Variants in EFCAB7 observed in about 807,000 individuals in gnomAD.
EFCAB7 encodes the protein EF-hand calcium-binding domain-containing protein 7.
In EFCAB7, 66 loss-of-function variants were observed where a neutral mutation model predicts 77.1. That is an observed-to-expected ratio of 0.86 (90% CI 0.70 to 1.05). The LOEUF (loss-of-function observed/expected upper bound fraction) is 1.05, where lower values mean the gene tolerates loss of function less well. Ranked by LOEUF, EFCAB7 falls within the 50% of genes least tolerant of loss-of-function variation. The probability of loss-of-function intolerance (pLI) is 0.00; values close to 1 mark genes in which losing one functional copy is unlikely to be tolerated. For missense variants in EFCAB7, 638 were observed against 730.5 expected, an observed-to-expected ratio of 0.87 and a Z score of 1.46; for synonymous variants, 225 against 243.3, an observed-to-expected ratio of 0.92 and a Z score of 0.70.
At chr1:63,582,896 C>A in the EFCAB7 span, among the ~76,000 whole-genome samples, 2 of 152,138 alleles carry the variant, frequency 1.3e-5, no homozygotes, top group Non-Finnish European at 2.9e-5. Flanking sequence ...TGAGCCACCG[C>A]ACCCAGCCAT....
intron 6 of EFCAB7, among the ~76,000 whole-genome samples, chr1:63,545,551 C>T (rs1646887216): frequency 6.6e-6 from 1 of 152,218 alleles, no homozygotes; most frequent in Admixed American, 6.5e-5. Flanking sequence ...ACTGCATCCT[C>T]TGCCTCCCAG....
chr1:63,547,725 T>G (rs1323745042), intron 7 of EFCAB7: 1 of 152,250 alleles, frequency 6.6e-6, no homozygotes, highest in East Asian at 1.9e-4. Flanking sequence ...AGCTACAGGT[T>G]AGCTGGTGGC....
chr1:63,527,209 G>C (rs1244419572), intron 2 of EFCAB7, among the ~76,000 whole-genome samples: 1 of 152,076 alleles, frequency 6.6e-6, no homozygotes, highest in Non-Finnish European at 1.5e-5. Context: ...CATTTAGTTT[G>C]TGAATCAATG....
chr1:63,545,027 T>C (rs1383059770), intron 6 of EFCAB7, among the ~76,000 whole-genome samples: 3 of 151,488 alleles, frequency 2.0e-5, no homozygotes, highest in Non-Finnish European at 4.4e-5. Flanking sequence ...CAAGTGATTC[T>C]CCTGCCTCAG....
At chr1:63,551,879 G>A (rs1646969948) in intron 8 of EFCAB7, 45 bp downstream of exon 8, 2 of 1,234,642 alleles carry the variant, frequency 1.6e-6, no homozygotes, top group Admixed American at 5.0e-5. Flanking sequence ...AATATAGTAT[G>A]AACTGCAGTT....
intron 3 of EFCAB7, 82 bp from the exon 4 acceptor site, chr1:63,532,587 AT>A: frequency 1.0e-5 from 10 of 1,004,766 alleles, no homozygotes; most frequent in African/African-American, 1.7e-5. Context: ...TGTGGAAAAG[AT>A]TAAAATGTGC....
chr1:63,583,899 G>T, the EFCAB7 span, among the ~76,000 whole-genome samples: 86 of 125,908 alleles, frequency 6.8e-4, no homozygotes, highest in African/African-American at 2.6e-3. Context: ...CAGAATTTAT[G>T]ACAGACCTAA....
intron 9 of EFCAB7, among the ~76,000 whole-genome samples, chr1:63,556,854 C>A (rs1260607167): frequency 3.4e-5 from 5 of 148,684 alleles, no homozygotes; most frequent in African/African-American, 1.2e-4. Context: ...GTAGAGAAAC[C>A]CCATCTCTAC....
chr1:63,561,941 G>T (rs898520190), intron 11 of EFCAB7, 84 bp downstream of exon 11: 8 of 1,038,774 alleles, frequency 7.7e-6, no homozygotes, highest in Admixed American at 3.7e-5. Context: ...TATAACTTTC[G>T]AATTGGGCAC....
Position 63,533,577 on chromosome 1 carries a change from GACCCATC to G in EFCAB7, c.614_620del (p.Pro205GlnfsTer19). 1 of 1,611,848 alleles carries G rather than the reference GACCCATC, an allele frequency of 6.2e-7. No individual in the cohort carries two copies. Among genetic ancestry groups the G allele is most frequent in the Non-Finnish European group, 8.5e-7 (1 of 1,179,198 alleles). Reference sequence around the variant, plus strand: ...CCACATCGAAGGGTCCCCTGAAAGGGACCCATCACCAGTACCAAAACCATCACCTAAA... The same window carrying G: ...CCACATCGAAGGGTCCCCTGAAAGGGACCAGTACCAAAACCATCACCTAAA... On this transcript the variant is annotated frameshift_variant, in exon 5 of 14. Transcript: ENST00000371088. LOFTEE classifies it high-confidence loss of function.
downstream of EFCAB7, among the ~76,000 whole-genome samples, chr1:63,574,519 T>A (rs890716675): frequency 2.0e-5 from 3 of 152,188 alleles, no homozygotes; most frequent in Non-Finnish European, 4.4e-5. Flanking sequence ...CTGCTTTTTT[T>A]AGCTATCTTA....
intron 7 of EFCAB7, chr1:63,550,130 A>G (rs1436056439): frequency 6.6e-6 from 1 of 152,222 alleles, no homozygotes; most frequent in Non-Finnish European, 1.5e-5. Flanking sequence ...AGTCTGATTA[A>G]TTTGTTATTG....
At chr1:63,556,141 G>T (rs1647027838) in intron 9 of EFCAB7, among the ~76,000 whole-genome samples, 1 of 152,010 alleles carries the variant, frequency 6.6e-6, no homozygotes, top group African/African-American at 2.4e-5. Context: ...TTGGTGAAAG[G>T]ATACAAAATT....
At chr1:63,582,921 A>T in the EFCAB7 span, among the ~76,000 whole-genome samples, 2,610 of 152,284 alleles carry the variant, frequency 0.017, 91 homozygotes, top group African/African-American at 0.06. Context: ...AAGGAAGTTT[A>T]AGGATATTAA....
chr1:63,574,837 T>C (rs927519003), downstream of EFCAB7, among the ~76,000 whole-genome samples: 1 of 152,204 alleles, frequency 6.6e-6, no homozygotes, highest in African/African-American at 2.4e-5. Context: ...GTAGTCCTTT[T>C]GCGAGAGCGA....
chr1:63,544,064 G>T (rs1646864827), intron 6 of EFCAB7, among the ~76,000 whole-genome samples: 1 of 149,756 alleles, frequency 6.7e-6, no homozygotes, highest in South Asian at 2.1e-4. Flanking sequence ...CCATCTCCCA[G>T]GTTCAAGCGA....
intron 11 of EFCAB7, 61 bp downstream of exon 11, chr1:63,561,918 C>T (rs940007699): frequency 1.6e-6 from 2 of 1,276,298 alleles, no homozygotes; most frequent in African/African-American, 3.1e-5. Context: ...ACTTTATGAA[C>T]ATTTTCCTGA....
At chr1:63,530,905 A>G (rs1212423804) in intron 2 of EFCAB7, among the ~76,000 whole-genome samples, 1 of 152,212 alleles carries the variant, frequency 6.6e-6, no homozygotes, top group Non-Finnish European at 1.5e-5. Flanking sequence ...TTTATGGGGT[A>G]CAATTTGACA....
intron 6 of EFCAB7, among the ~76,000 whole-genome samples, chr1:63,545,343 C>A (rs1646884224): frequency 6.6e-6 from 1 of 152,158 alleles, no homozygotes; most frequent in Non-Finnish European, 1.5e-5. Flanking sequence ...CCCCCAACCC[C>A]AATCAATTAG....
Sources: gnomAD v4.1 joint callset for allele counts (sites outside exome capture counted in the v4.1 genomes callset) on GRCh38, gnomAD v4.1.1 for gene constraint, MANE v1.5 for transcripts, NCBI Gene and HGNC (gene_info 2026-07-23, HGNC 2026-07-21) for gene names.